The following MED30 variants were observed in gnomAD, a reference collection of about 807,000 sequenced individuals.
MED30 encodes mediator of RNA polymerase II transcription subunit 30.
A neutral mutation model predicts 21.7 loss-of-function variants in MED30; 8 were observed. That is an observed-to-expected ratio of 0.37 (90% CI 0.22 to 0.67). The LOEUF (loss-of-function observed/expected upper bound fraction) is 0.67, where lower values mean the gene tolerates loss of function less well. Ranked by LOEUF, MED30 falls within the 30% of genes least tolerant of loss-of-function variation. MED30 has a pLI of 0.58. For missense variants in MED30, 203 were observed against 228.2 expected (o/e 0.89, Z 0.71); for synonymous variants, 79 against 86.7 (o/e 0.91, Z 0.49).
intron 3 of MED30, among the ~76,000 whole-genome samples, chr8:117,533,042 C>G (rs985734831): frequency 1.3e-5 from 2 of 151,826 alleles, no homozygotes; most frequent in Non-Finnish European, 2.9e-5. Flanking sequence ...ATAATAATAA[C>G]TTTGGTTTCA....
chr8:117,523,744 C>G, intron 1 of MED30: 4 of 1,276,946 alleles, frequency 3.1e-6, no homozygotes, highest in African/African-American at 1.5e-5. Context: ...CGCGGTGGCT[C>G]ACGCCTGTAA....
intron 2 of MED30, among the ~76,000 whole-genome samples, chr8:117,529,199 T>C (rs191673761): frequency 1.7e-4 from 26 of 151,898 alleles, no homozygotes; most frequent in Admixed American, 5.9e-4. Context: ...ATTTTTATTA[T>C]TATTAATTTG....
chr8:117,532,034 AATTAAT>A (rs1334334561), intron 3 of MED30, among the ~76,000 whole-genome samples: 1 of 152,050 alleles, frequency 6.6e-6, no homozygotes, highest in Non-Finnish European at 1.5e-5. Flanking sequence ...CTCTTGTAAC[AATTAAT>A]ATTAAGTAGA....
chr8:117,525,282 A>T (rs1472057869), intron 1 of MED30, among the ~76,000 whole-genome samples: 1 of 150,702 alleles, frequency 6.6e-6, no homozygotes, highest in Admixed American at 6.6e-5. Context: ...AAAATATTTT[A>T]ATTATTTATA....
chr8:117,525,343 C>CT (rs761455880), intron 1 of MED30, among the ~76,000 whole-genome samples: 3,914 of 138,354 alleles, frequency 0.028, 154 homozygotes, highest in African/African-American at 0.093. Context: ...ATTTGTCTGT[C>CT]TTTTTTTTTT....
rs1423476836 is a variant in MED30, at chr8:117,520,922, T to TTCGCCGGGCCCC, written c.47_58dup (p.Pro19_Gln20insLeuAlaGlyPro). 5 of 1,610,232 alleles carry TTCGCCGGGCCCC rather than the reference T, an allele frequency of 3.1e-6. No individual in the cohort carries two copies. The Admixed American group carries it at 8.4e-5, about 27-fold the overall frequency. On this transcript the variant is annotated inframe_insertion, in exon 1 of 4. Coordinates refer to ENST00000297347, the MANE Select transcript of MED30 (RefSeq NM_080651.4). ...CGCGTCGGGGATGGCGCCCGGGCCC[T>TTCGCCGGGCCCC]TCGCCGGGCCCCAGGCTCAGCAGGC... is the stretch of plus-strand genomic sequence containing the variant.
At chr8:117,523,310 G>A (rs961507569) in intron 1 of MED30, 1 of 1,368,084 alleles carries the variant, frequency 7.3e-7, no homozygotes, top group African/African-American at 1.4e-5. Context: ...CCTCTAAACT[G>A]GAATTCGGTT....
intron 1 of MED30, among the ~76,000 whole-genome samples, chr8:117,521,687 G>T (rs147162716): frequency 0.017 from 2,580 of 151,910 alleles, 77 homozygotes; most frequent in African/African-American, 0.059. Context: ...TATATAAACG[G>T]AGTCTACAGT....
chr8:117,527,739 A>G (rs1268844376), intron 1 of MED30, among the ~76,000 whole-genome samples: 1 of 150,818 alleles, frequency 6.6e-6, no homozygotes, highest in Non-Finnish European at 1.5e-5. Flanking sequence ...GCTATTATAC[A>G]TGTGAATTCC....
In MED30 at chr8:117,523,207, T is replaced by A. The variant is rs199897958; in HGVS notation, c.177+2154T>A. On this transcript the variant is annotated intron_variant, in intron 1 of 3. Coordinates refer to ENST00000297347, the MANE Select transcript of MED30 (RefSeq NM_080651.4). ...CATTCAAAGCCAACTTTTTTTTTTT[T>A]AAGTTTTTTTTTTTTGTCTGTAAGT... 72 of 749,008 alleles carry A rather than the reference T, an allele frequency of 9.6e-5. No individual in the cohort carries two copies. The African/African-American group carries it at 1.1e-3, about 11-fold the overall frequency. The allele number at this position is 749,008 out of a possible 1,614,324, so 46.4% of individuals were successfully genotyped here.
chr8:117,533,451 T>C (rs1178160753), intron 3 of MED30, among the ~76,000 whole-genome samples: 1 of 152,180 alleles, frequency 6.6e-6, no homozygotes, highest in African/African-American at 2.4e-5. Context: ...ACCTACATAA[T>C]TGTTTCCCTC....
At chr8:117,521,164 C>A in intron 1 of MED30, 111 bp downstream of exon 1, 1 of 1,059,032 alleles carries the variant, frequency 9.4e-7, no homozygotes, top group Non-Finnish European at 1.3e-6. Flanking sequence ...CTGGGCAAAC[C>A]TTAGGTGTAG....
At chr8:117,535,239 C>A (rs1369577149) in intron 3 of MED30, among the ~76,000 whole-genome samples, 2 of 125,776 alleles carry the variant, frequency 1.6e-5, no homozygotes, top group South Asian at 2.4e-4. Context: ...TCCATTGATA[C>A]TTTTTTTTTT....
At chr8:117,525,552 TAGAA>T (rs1818706602) in intron 1 of MED30, among the ~76,000 whole-genome samples, 1 of 152,060 alleles carries the variant, frequency 6.6e-6, no homozygotes, top group African/African-American at 2.4e-5. Flanking sequence ...TATGCCTAGT[TAGAA>T]AGGTCTTCCC....
intron 3 of MED30, among the ~76,000 whole-genome samples, chr8:117,537,225 C>A (rs1563791660): frequency 6.6e-6 from 1 of 152,186 alleles, no homozygotes; most frequent in Non-Finnish European, 1.5e-5. Flanking sequence ...CAGTTAGCAT[C>A]AACTTTTTTT....
chr8:117,523,504 G>A, intron 1 of MED30: 1 of 1,591,908 alleles, frequency 6.3e-7, no homozygotes. Context: ...AATCTCCGGG[G>A]GCAGATGAAG....
intron 3 of MED30, among the ~76,000 whole-genome samples, chr8:117,535,614 AT>A (rs1818866415): frequency 6.6e-6 from 1 of 151,900 alleles, no homozygotes; most frequent in Non-Finnish European, 1.5e-5. Flanking sequence ...TAATGTACTG[AT>A]TTGATTATTT....
At chr8:117,539,758 T>C in intron 3 of MED30, 125 bp from the exon 4 acceptor site, 1 of 634,914 alleles carries the variant, frequency 1.6e-6, no homozygotes, top group East Asian at 3.1e-5. Context: ...ACCATCTGCC[T>C]TATAGGGTTA....
chr8:117,530,888 C>A, intron 3 of MED30, 61 bp downstream of exon 3: 2 of 1,095,842 alleles, frequency 1.8e-6, no homozygotes, highest in South Asian at 1.4e-5. Flanking sequence ...ACTAGGGAGT[C>A]TGATGTAACT....
Sources: allele counts gnomAD v4.1 joint callset (sites outside exome capture counted in the v4.1 genomes callset), GRCh38; gene constraint gnomAD v4.1.1; transcripts MANE v1.5; gene names NCBI Gene and HGNC (gene_info 2026-07-23, HGNC 2026-07-21).